CDH10: variants seen among roughly 807,000 people sequenced by gnomAD.
CDH10 encodes cadherin 10.
A neutral mutation model predicts 73.1 loss-of-function variants in CDH10; 30 were observed. The ratio of observed to expected loss-of-function variants is 0.41; its 90% CI spans 0.31 to 0.56. CDH10 has a LOEUF of 0.56. CDH10 is among the 20% of genes least tolerant of loss of function. The pLI is 0.27. For synonymous variants in CDH10, 345 were observed against 348.2 expected, an observed-to-expected ratio of 0.99 and a Z score of 0.10; for missense variants, 815 against 973.7, an observed-to-expected ratio of 0.84 and a Z score of 2.17.
intron 1 of CDH10, among the ~76,000 whole-genome samples, chr5:24,620,251 A>C (rs879942073): frequency 1.3e-5 from 2 of 152,206 alleles, no homozygotes; most frequent in Non-Finnish European, 2.9e-5. Context: ...TTGTGAGCTC[A>C]AAATGCAGTC....
chr5:24,571,041 C>A (rs111744362), intron 2 of CDH10, among the ~76,000 whole-genome samples: 2,196 of 152,006 alleles, frequency 0.014, 60 homozygotes, highest in African/African-American at 0.05. Flanking sequence ...GACCATCAGC[C>A]CATTCTTTCA....
intron 2 of CDH10, among the ~76,000 whole-genome samples, chr5:24,591,299 T>C (rs1022753181): frequency 2.0e-5 from 3 of 151,970 alleles, no homozygotes; most frequent in Non-Finnish European, 2.9e-5. Context: ...AACTACAAAA[T>C]TGATTGAAAT....
intron 1 of CDH10, among the ~76,000 whole-genome samples, chr5:24,641,288 T>G (rs965654850): frequency 6.6e-6 from 1 of 151,984 alleles, no homozygotes; most frequent in Non-Finnish European, 1.5e-5. Context: ...TATTGTTATC[T>G]TAGAAAACAG....
chr5:24,502,230 G>A lies in CDH10; in HGVS notation c.1393+2882C>T, dbSNP rs547106982. Among the ~76,000 whole-genome samples the A allele has an allele frequency of 2.0e-5, 3 of 152,122 alleles. No homozygotes were observed. The East Asian group carries it at 5.8e-4, about 29-fold the overall frequency. ...AGCCACCGCGCCTGGCTCCCACATA[G>A]CATTTTAAAATATTTTTGAAGAAGA... On this transcript the variant is annotated intron_variant, in intron 8 of 11. Coordinates refer to ENST00000264463, the MANE Select transcript of CDH10 (RefSeq NM_006727.5).
intron 1 of CDH10, among the ~76,000 whole-genome samples, chr5:24,637,928 G>A (rs1747919270): frequency 6.6e-6 from 1 of 151,210 alleles, no homozygotes. Flanking sequence ...TTTCTTCTTC[G>A]ACCTACCTAG....
At position 24,522,082 on chromosome 5, in the gene CDH10, C is replaced by T. The variant is rs527701895; in HGVS notation, c.815-10568G>A. 3.9e-5 allele frequency among the ~76,000 whole-genome samples: 6 copies of T among 152,070 alleles called. No individual in the cohort carries two copies. In the South Asian group the frequency reaches 8.3e-4, roughly 21 times the overall value. The stretch of plus-strand genomic sequence containing the variant: ...CCAGGAGGCAGGAGTTTCAGTGAGC[C>T]GCAATTGTGCCACTGCACTCCAGTG... On this transcript the variant is annotated intron_variant, in intron 5 of 11. Coordinates refer to ENST00000264463, the MANE Select transcript of CDH10 (RefSeq NM_006727.5).
chr5:24,623,352 A>G (rs1747380762), intron 1 of CDH10, among the ~76,000 whole-genome samples: 3 of 152,330 alleles, frequency 2.0e-5, no homozygotes, highest in African/African-American at 7.2e-5. Flanking sequence ...CAATGAGGAA[A>G]AAGGGTAATA....
intron 2 of CDH10, among the ~76,000 whole-genome samples, chr5:24,546,428 C>T (rs999741962): frequency 6.6e-6 from 1 of 152,080 alleles, no homozygotes; most frequent in Non-Finnish European, 1.5e-5. Flanking sequence ...GATGAATATA[C>T]CTATCCCCAA....
intron 8 of CDH10, among the ~76,000 whole-genome samples, chr5:24,504,085 C>A (rs79948130): frequency 6.6e-6 from 1 of 151,790 alleles, no homozygotes. Context: ...TTTATATATA[C>A]GGAAAGGTGG....
chr5:24,536,179 G>A (rs1355404925), intron 3 of CDH10, among the ~76,000 whole-genome samples: 1 of 152,020 alleles, frequency 6.6e-6, no homozygotes, highest in African/African-American at 2.4e-5. Context: ...ACAGGAGTAA[G>A]TATGTTCTTC....
At chr5:24,519,855 A>G (rs2111808300) in intron 5 of CDH10, among the ~76,000 whole-genome samples, 1 of 152,306 alleles carries the variant, frequency 6.6e-6, no homozygotes, top group South Asian at 2.1e-4. Context: ...ACTGTCTGAA[A>G]GTTCTGGAGG....
At chr5:24,633,113 A>G (rs569963800) in intron 1 of CDH10, among the ~76,000 whole-genome samples, 1 of 2,534 alleles carries the variant, frequency 3.9e-4, no homozygotes, top group African/African-American at 5.0e-4. Context: ...CAGATAATAA[A>G]GTAAAGAAAA....
chr5:24,549,398 C>T (rs973205769), intron 2 of CDH10, among the ~76,000 whole-genome samples: 4 of 151,978 alleles, frequency 2.6e-5, no homozygotes, highest in African/African-American at 9.7e-5. Flanking sequence ...AAAATCACAC[C>T]TAACCCAGTT....
At chr5:24,601,076 T>C (rs927416845) in intron 1 of CDH10, among the ~76,000 whole-genome samples, 3 of 152,122 alleles carry the variant, frequency 2.0e-5, no homozygotes, top group African/African-American at 7.2e-5. Context: ...TGTTAGATAA[T>C]TTTCTTTCAT....
At chr5:24,587,187 G>T (rs1000506333) in intron 2 of CDH10, among the ~76,000 whole-genome samples, 64 of 152,116 alleles carry the variant, frequency 4.2e-4, no homozygotes, top group Non-Finnish European at 1.3e-4. Flanking sequence ...TTAGCTATAT[G>T]AAGTGACTAT....
chr5:24,516,700 T>G (rs1218122749), intron 5 of CDH10, among the ~76,000 whole-genome samples: 1 of 152,036 alleles, frequency 6.6e-6, no homozygotes, highest in East Asian at 1.9e-4. Flanking sequence ...TTTTTTAGGT[T>G]GGCTCTGGTG....
At chr5:24,499,488 C>G (rs1225948836) in intron 8 of CDH10, 1 of 152,444 alleles carries the variant, frequency 6.6e-6, no homozygotes, top group Non-Finnish European at 1.5e-5. Flanking sequence ...GAGTTCGAGA[C>G]CAGCCTGGCC....
chr5:24,497,294 G>A (rs1742326480), intron 9 of CDH10, among the ~76,000 whole-genome samples: 5 of 151,924 alleles, frequency 3.3e-5, no homozygotes, highest in Admixed American at 2.6e-4. Context: ...AGCAAAGTGG[G>A]TAATTTATCT....
chr5:24,526,251 C>G (rs1743527601), intron 5 of CDH10, among the ~76,000 whole-genome samples: 1 of 151,888 alleles, frequency 6.6e-6, no homozygotes, highest in South Asian at 2.1e-4. Context: ...GTAGTTCCGT[C>G]TAAGGCAACT....
Sources: gnomAD v4.1 joint callset for allele counts (sites outside exome capture counted in the v4.1 genomes callset) on GRCh38, gnomAD v4.1.1 for gene constraint, MANE v1.5 for transcripts, NCBI Gene and HGNC (gene_info 2026-07-23, HGNC 2026-07-21) for gene names.